Variants in WDR7 observed in about 807,000 individuals in gnomAD.
WDR7 encodes WD repeat domain 7.
A neutral mutation model predicts 169.4 loss-of-function variants in WDR7; 46 were observed. That is an observed-to-expected ratio of 0.27 (90% CI 0.21 to 0.35). WDR7 has a LOEUF of 0.35. Ranked by LOEUF, WDR7 falls within the 10% of genes least tolerant of loss-of-function variation. The pLI, the probability that WDR7 is intolerant of heterozygous loss-of-function variation, is 1.00. For synonymous variants in WDR7, 612 were observed against 666.8 expected (o/e 0.92, Z 1.27); for missense variants, 1,534 against 1,859.3 (o/e 0.83, Z 3.22).
intron 1 of WDR7, among the ~76,000 whole-genome samples, chr18:56,655,032 G>C (rs571945815): frequency 2.6e-5 from 4 of 152,172 alleles, no homozygotes; most frequent in Non-Finnish European, 4.4e-5. Flanking sequence ...TAACTCTATG[G>C]TTTTGTAGTA....
At chr18:56,659,067 T>C (rs919761398) in intron 1 of WDR7, among the ~76,000 whole-genome samples, 4 of 152,146 alleles carry the variant, frequency 2.6e-5, no homozygotes, top group African/African-American at 7.2e-5. Context: ...TAGGCCTTAG[T>C]GACTGTAGTA....
intron 1 of WDR7, among the ~76,000 whole-genome samples, chr18:56,653,294 C>T (rs2024695677): frequency 6.6e-6 from 1 of 152,066 alleles, no homozygotes; most frequent in African/African-American, 2.4e-5. Flanking sequence ...GCAACCTCCC[C>T]ATCCCGGGCT....
chr18:56,844,002 A>G (rs1375811522), intron 20 of WDR7, among the ~76,000 whole-genome samples: 1 of 151,700 alleles, frequency 6.6e-6, no homozygotes, highest in African/African-American at 2.4e-5. Flanking sequence ...AGCTGGGATT[A>G]TAGGCATACA....
chr18:56,928,226 G>A (rs528018440), intron 22 of WDR7, among the ~76,000 whole-genome samples: 19 of 152,304 alleles, frequency 1.2e-4, no homozygotes, highest in African/African-American at 4.6e-4. Flanking sequence ...CACTTTGGGA[G>A]GCCGAGGTGG....
chr18:56,810,632 T>C (rs988104724), intron 19 of WDR7, among the ~76,000 whole-genome samples: 3 of 152,278 alleles, frequency 2.0e-5, no homozygotes, highest in African/African-American at 7.2e-5. Context: ...TGCTTTCTTA[T>C]TGTATAAATG....
intron 13 of WDR7, among the ~76,000 whole-genome samples, chr18:56,718,915 A>T (rs1442237402): frequency 6.6e-6 from 1 of 152,190 alleles, no homozygotes; most frequent in East Asian, 1.9e-4. Flanking sequence ...AAATCAGACT[A>T]TATACATATT....
At chr18:56,851,949 C>CTATAGT (rs2045646785) in intron 20 of WDR7, among the ~76,000 whole-genome samples, 2 of 152,166 alleles carry the variant, frequency 1.3e-5, no homozygotes, top group African/African-American at 2.4e-5. Context: ...GTAGATAGTG[C>CTATAGT]TGTTGAAAGG....
At chr18:56,965,168 A>G (rs185539490) in intron 26 of WDR7, among the ~76,000 whole-genome samples, 48 of 152,298 alleles carry the variant, frequency 3.2e-4, no homozygotes, top group African/African-American at 1.1e-3. Context: ...ATAAAAATAC[A>G]TATAAAGGGA....
rs115277164 is a variant in WDR7, at chr18:56,843,059, G to A, written c.3304+26915G>A. Among the ~76,000 whole-genome samples, 1,083 of 152,198 alleles carry A rather than the reference G, an allele frequency of 7.1e-3. 16 individuals are homozygous for A. The highest frequency in any genetic ancestry group is 0.024 in the African/African-American group (1,014 of 41,522). ...AGCTTTGATTCTGGTGATTCATCCC[G>A]TTACCTCTGAACAGATGAAAAGAAG... is the stretch of plus-strand genomic sequence containing the variant. On this transcript the variant is annotated intron_variant, in intron 20 of 27. Coordinates refer to ENST00000254442, the MANE Select transcript of WDR7 (RefSeq NM_015285.3).
In WDR7 at chr18:56,878,559, A is replaced by G. The variant is rs150280275; in HGVS notation, c.3305-1385A>G. On this transcript the variant is annotated intron_variant, in intron 20 of 27. Transcript: ENST00000254442. ...CAATGAACAATCTTTCTAAAAAAAC[A>G]AATGTACTGAGATAAGATGTATGTT... Among the ~76,000 whole-genome samples, 411 of 152,342 alleles carry G rather than the reference A, an allele frequency of 2.7e-3. 1 individual carries two copies. The highest frequency in any genetic ancestry group is 3.2e-3 in the Non-Finnish European group (218 of 68,026).
At chr18:56,982,579 C>T (rs888348196) in intron 26 of WDR7, among the ~76,000 whole-genome samples, 4 of 152,084 alleles carry the variant, frequency 2.6e-5, no homozygotes, top group Non-Finnish European at 5.9e-5. Flanking sequence ...TCACCTTTTT[C>T]CATGAAGCAG....
intron 19 of WDR7, among the ~76,000 whole-genome samples, chr18:56,812,601 A>G (rs1461912614): frequency 6.6e-6 from 1 of 152,286 alleles, no homozygotes; most frequent in Middle Eastern, 3.4e-3. Flanking sequence ...AATCCTCAGA[A>G]TCAGGGAAGC....
intron 14 of WDR7, among the ~76,000 whole-genome samples, chr18:56,753,709 G>T (rs568651981): frequency 6.6e-6 from 1 of 151,640 alleles, no homozygotes; most frequent in East Asian, 2.0e-4. Context: ...ATAGGGTGTC[G>T]ATGGAAGAGA....
At chr18:56,765,195 G>A (rs2044042407) in intron 16 of WDR7, among the ~76,000 whole-genome samples, 1 of 151,926 alleles carries the variant, frequency 6.6e-6, no homozygotes, top group Non-Finnish European at 1.5e-5. Context: ...AATCCAATCT[G>A]ACCTGCTTTT....
At chr18:56,655,382 T>C (rs1335435653) in intron 1 of WDR7, among the ~76,000 whole-genome samples, 1 of 152,144 alleles carries the variant, frequency 6.6e-6, no homozygotes, top group Non-Finnish European at 1.5e-5. Flanking sequence ...CCCAGCACTT[T>C]GGGAGGCTGA....
At chr18:56,844,331 T>C (rs546110758) in intron 20 of WDR7, among the ~76,000 whole-genome samples, 1 of 152,296 alleles carries the variant, frequency 6.6e-6, no homozygotes, top group African/African-American at 2.4e-5. Context: ...AATAGATACA[T>C]CATTTCTGAT....
intron 12 of WDR7, among the ~76,000 whole-genome samples, chr18:56,698,456 A>C (rs891305193): frequency 6.6e-6 from 1 of 151,716 alleles, no homozygotes; most frequent in Non-Finnish European, 1.5e-5. Flanking sequence ...ACTACAAAAA[A>C]TTAGCTGGGC....
chr18:56,944,923 A>T (rs954461405), intron 25 of WDR7, among the ~76,000 whole-genome samples: 3 of 152,234 alleles, frequency 2.0e-5, no homozygotes, highest in African/African-American at 7.2e-5. Flanking sequence ...TGATATTTAT[A>T]GTGATATTTA....
At position 56,776,762 on chromosome 18, in the gene WDR7, C is replaced by A; in HGVS notation, c.2849-20C>A. The A allele has an allele frequency of 1.2e-6, 2 of 1,609,264 alleles. No individual in the cohort carries two copies. The highest frequency in any genetic ancestry group is 1.7e-6 in the Non-Finnish European group (2 of 1,175,766). ...TACTTCAATTCTCTCCTCTTTACTT[C>A]TTCTCTTTTCCTCTGCAAGTTGCTG... On this transcript the variant is annotated intron_variant, in intron 16 of 27. Transcript: ENST00000254442.
Sources: allele counts gnomAD v4.1 joint callset (sites outside exome capture counted in the v4.1 genomes callset), GRCh38; gene constraint gnomAD v4.1.1; transcripts MANE v1.5; gene names NCBI Gene and HGNC (gene_info 2026-07-23, HGNC 2026-07-21).